Variants in NBAS observed in about 807,000 individuals in gnomAD.
The protein encoded by NBAS is NBAS subunit of NRZ tethering complex.
A neutral mutation model predicts 302.5 loss-of-function variants in NBAS; 219 were observed. That is an observed-to-expected ratio of 0.72 (90% CI 0.65 to 0.81). NBAS has a LOEUF of 0.81. Among genes scored for constraint, NBAS ranks in the 30% least tolerant of loss-of-function variants. The probability of loss-of-function intolerance (pLI) is 0.00; values close to 1 mark genes in which losing one functional copy is unlikely to be tolerated. For missense variants in NBAS, 2,932 were observed against 2,841.6 expected (o/e 1.03, Z -0.72); for synonymous variants, 1,118 against 1,021.6 (o/e 1.09, Z -1.80).
intron 49 of NBAS, among the ~76,000 whole-genome samples, chr2:15,188,046 C>G (rs1007110254): frequency 6.6e-6 from 1 of 152,210 alleles, no homozygotes. Flanking sequence ...GGGTTTTTCT[C>G]TACAGTTTTT....
At chr2:14,958,702 T>C in the NBAS span, among the ~76,000 whole-genome samples, 2 of 152,172 alleles carry the variant, frequency 1.3e-5, no homozygotes, top group Non-Finnish European at 2.9e-5. Flanking sequence ...AAGTAAGCAA[T>C]TGTGGAAACA....
Position 15,234,669 on chromosome 2 carries a change from T to G in NBAS, c.6022A>C (p.Ile2008Leu). The G allele has an allele frequency of 6.2e-7, 1 of 1,614,180 alleles. No homozygotes were observed. Among genetic ancestry groups the G allele is most frequent in the African/African-American group, 1.3e-5 (1 of 75,050 alleles). ...KEKLHDEAVA[I>L]CLDGQPLAMI... ...GCTAGAGGCTGACCATCTAAACAAA[T>G]AGCCACAGCTTCATCATGAAGTTTC... is the stretch of plus-strand genomic sequence containing the variant. The change falls in exon 46 of 52, where the codon ATT (isoleucine) becomes CTT (leucine). Residue 2008 changes from isoleucine (I) to leucine (L), a missense_variant. Coordinates refer to ENST00000281513, the MANE Select transcript of NBAS (RefSeq NM_015909.4).
At chr2:14,977,913 A>G in the NBAS span, among the ~76,000 whole-genome samples, 3 of 152,244 alleles carry the variant, frequency 2.0e-5, no homozygotes, top group Admixed American at 2.0e-4. Flanking sequence ...GAAAACCATC[A>G]AGTTGCATAG....
the NBAS span, among the ~76,000 whole-genome samples, chr2:14,840,355 G>A: frequency 1.3e-5 from 2 of 151,874 alleles, no homozygotes; most frequent in Admixed American, 6.6e-5. Flanking sequence ...AACAAGGGGT[G>A]GAAATCTTCT....
chr2:15,255,784 C>A (rs1668565040), intron 44 of NBAS, among the ~76,000 whole-genome samples: 1 of 152,106 alleles, frequency 6.6e-6, no homozygotes, highest in Non-Finnish European at 1.5e-5. Context: ...AATGAAGTAT[C>A]CCAGCACCAT....
chr2:15,249,934 C>T lies in NBAS; in HGVS notation c.5725-11248G>A, dbSNP rs139684831. ...GCTGTCACCATCAAGCTACTGTTGACTTTCTTCACAGAAGTGGAAAAAAAC... is the reference window on the plus strand; with the variant it reads ...GCTGTCACCATCAAGCTACTGTTGATTTTCTTCACAGAAGTGGAAAAAAAC... On this transcript the variant is annotated intron_variant, in intron 44 of 51. Coordinates refer to ENST00000281513, the MANE Select transcript of NBAS (RefSeq NM_015909.4). Among the ~76,000 whole-genome samples, 630 of 152,272 alleles carry T rather than the reference C, an allele frequency of 4.1e-3. 7 individuals are homozygous for T. The highest frequency in any genetic ancestry group is 0.014 in the African/African-American group (591 of 41,544).
intron 33 of NBAS, among the ~76,000 whole-genome samples, chr2:15,355,472 C>G (rs928444405): frequency 6.6e-6 from 1 of 152,158 alleles, no homozygotes; most frequent in South Asian, 2.1e-4. Flanking sequence ...AAACCACTTC[C>G]CAATTTCTCA....
chr2:14,992,653 T>C, the NBAS span, among the ~76,000 whole-genome samples: 4 of 152,156 alleles, frequency 2.6e-5, no homozygotes, highest in African/African-American at 9.7e-5. Flanking sequence ...TTTCTTTGCT[T>C]TTTGGGGACA....
chr2:15,072,928 G>A, the NBAS span, among the ~76,000 whole-genome samples: 6 of 152,092 alleles, frequency 3.9e-5, no homozygotes, highest in East Asian at 1.9e-4. Flanking sequence ...TCAGGAGTTC[G>A]AGACCAGCCT....
chr2:14,962,563 T>C, the NBAS span, among the ~76,000 whole-genome samples: 1 of 152,130 alleles, frequency 6.6e-6, no homozygotes, highest in Non-Finnish European at 1.5e-5. Context: ...CTTCCCCTTT[T>C]CACAGTTGTT....
chr2:15,304,799 A>G (rs2148147296), intron 40 of NBAS, among the ~76,000 whole-genome samples: 1 of 152,222 alleles, frequency 6.6e-6, no homozygotes, highest in East Asian at 1.9e-4. Context: ...GAAATTTCTA[A>G]AAAGCAAATC....
the NBAS span, among the ~76,000 whole-genome samples, chr2:14,915,243 G>A: frequency 4.6e-5 from 7 of 152,168 alleles, no homozygotes; most frequent in Admixed American, 4.6e-4. Context: ...TATAATAACT[G>A]GGTCCTTTAG....
the NBAS span, among the ~76,000 whole-genome samples, chr2:14,967,393 T>C: frequency 3.9e-5 from 6 of 152,132 alleles, no homozygotes; most frequent in Non-Finnish European, 8.8e-5. Flanking sequence ...TCAAGACTTT[T>C]TATAAAGCTA....
the NBAS span, among the ~76,000 whole-genome samples, chr2:14,854,998 T>C: frequency 1.3e-5 from 2 of 152,108 alleles, no homozygotes. Context: ...GAGATCATGG[T>C]TCCAAAAGAG....
intron 38 of NBAS, among the ~76,000 whole-genome samples, chr2:15,309,612 T>C (rs989360514): frequency 7.9e-5 from 12 of 152,160 alleles, no homozygotes; most frequent in African/African-American, 2.9e-4. Context: ...TGGAGGGTGA[T>C]AATATGAGTA....
rs561220116 is a variant in NBAS, at chr2:15,559,810, G to A, written c.118-1176C>T. Among the ~76,000 whole-genome samples, 11 of 152,246 alleles carry A rather than the reference G, an allele frequency of 7.2e-5. No individual in the cohort carries two copies. In the South Asian group the frequency reaches 2.3e-3, roughly 32 times the overall value. On this transcript the variant is annotated intron_variant, in intron 1 of 51. Coordinates refer to ENST00000281513, the MANE Select transcript of NBAS (RefSeq NM_015909.4). Reference sequence around the variant, plus strand: ...GGTTACTTTTTTGGAATCAATTTATGGTAAGCATTCTGAAACATTACTGCA... The same window carrying A: ...GGTTACTTTTTTGGAATCAATTTATAGTAAGCATTCTGAAACATTACTGCA...
rs200421943 is a variant in NBAS, at chr2:15,499,780, TA to T, written c.954+4364del. ...AACTTACAATAAAAGTTAAATTTTT[TA>T]AAAAAGTAAAAATTTAAAAAGTAAA... On this transcript the variant is annotated intron_variant, in intron 11 of 51. Coordinates refer to ENST00000281513, the MANE Select transcript of NBAS (RefSeq NM_015909.4). Among the ~76,000 whole-genome samples the T allele has an allele frequency of 7.3e-3, 1,106 of 152,308 alleles. 18 individuals carry two copies. Among genetic ancestry groups the T allele is most frequent in the African/African-American group, 0.025 (1,054 of 41,566 alleles).
chr2:15,043,267 C>T, the NBAS span, among the ~76,000 whole-genome samples: 1 of 152,128 alleles, frequency 6.6e-6, no homozygotes, highest in East Asian at 1.9e-4. Flanking sequence ...GACATTGCCT[C>T]CCTGTGCGTC....
intron 50 of NBAS, among the ~76,000 whole-genome samples, chr2:15,185,142 C>T (rs1480654291): frequency 6.6e-6 from 1 of 152,188 alleles, no homozygotes; most frequent in East Asian, 1.9e-4. Flanking sequence ...AAGATCAGAC[C>T]CACCATTCAC....
Sources: gnomAD v4.1 joint callset for allele counts (sites outside exome capture counted in the v4.1 genomes callset) on GRCh38, gnomAD v4.1.1 for gene constraint, MANE v1.5 for transcripts, NCBI Gene and HGNC (gene_info 2026-07-23, HGNC 2026-07-21) for gene names.